IRAK4: variants seen among roughly 807,000 people sequenced by gnomAD.
IRAK4 encodes the protein interleukin-1 receptor-associated kinase 4.
Under a neutral mutation model 51.8 loss-of-function variants are expected in IRAK4, and 44 were observed. The ratio of observed to expected loss-of-function variants is 0.85; its 90% CI spans 0.67 to 1.09. The LOEUF (loss-of-function observed/expected upper bound fraction) is 1.09, where lower values mean the gene tolerates loss of function less well. Ranked by LOEUF, IRAK4 falls within the 50% of genes least tolerant of loss-of-function variation. The probability of loss-of-function intolerance (pLI) is 0.00; values close to 1 mark genes in which losing one functional copy is unlikely to be tolerated. For missense variants in IRAK4, 487 were observed against 538.0 expected (o/e 0.91, Z 0.94); for synonymous variants, 149 against 174.1 (o/e 0.86, Z 1.13).
At chr12:43,767,634 C>G (rs572923941) in intron 1 of IRAK4, among the ~76,000 whole-genome samples, 1 of 150,372 alleles carries the variant, frequency 6.7e-6, no homozygotes, top group Non-Finnish European at 1.5e-5. Flanking sequence ...CATTTCAGTA[C>G]GTTTTTTTTT....
At chr12:43,773,929 T>A in intron 5 of IRAK4, 36 bp from the exon 6 acceptor site, 1 of 1,342,648 alleles carries the variant, frequency 7.4e-7, no homozygotes, top group South Asian at 1.2e-5. Flanking sequence ...AACCTTAGAA[T>A]TGTGTAGTAT....
rs144296954 is a variant in IRAK4 at position 43,783,644 on chromosome 12, T to C, written c.1126-18T>C. On this transcript the variant is annotated intron_variant, in intron 9 of 11. Coordinates refer to ENST00000613694, the MANE Select transcript of IRAK4 (RefSeq NM_016123.4). Reference sequence around the variant, plus strand: ...CCTATCTTGTGTATTATATTAATGATTTTTTTTGTCTTCATAGGTTTTACT... The same window carrying C: ...CCTATCTTGTGTATTATATTAATGACTTTTTTTGTCTTCATAGGTTTTACT... 3.3e-6 allele frequency: 5 copies of C among 1,514,026 alleles called. No individual in the cohort carries two copies. Among genetic ancestry groups the C allele is most frequent in the Admixed American group, 3.4e-5 (2 of 58,840 alleles). 93.8% of individuals were successfully genotyped at this position (1,514,026 alleles called of 1,614,324 possible). A position where few individuals can be genotyped will look rare whatever the true frequency, so the allele number is the denominator to read the frequency against.
chr12:43,765,026 G>A (rs926566737), intron 1 of IRAK4, among the ~76,000 whole-genome samples: 3 of 152,142 alleles, frequency 2.0e-5, no homozygotes, highest in African/African-American at 7.2e-5. Flanking sequence ...TTGTGCTTTA[G>A]GATCATACTC....
In IRAK4 at chr12:43,789,268, C is replaced by T. The variant is rs1355745236; in HGVS notation, c.*2553C>T. 3.3e-5 allele frequency: 5 copies of T among 152,274 alleles called. No homozygotes were observed. In the East Asian group the frequency reaches 9.7e-4, roughly 29 times the overall value. The allele number at this position is 152,274 out of a possible 1,614,324, so 9.4% of individuals were successfully genotyped here. A position where few individuals can be genotyped will look rare whatever the true frequency, so the allele number is the denominator to read the frequency against. Reference sequence around the variant, plus strand: ...GAGCCACTGGTGATGAGTGAGTTCTCACTCAGTTCGTGTGAGATCTGGTGG... The same window carrying T: ...GAGCCACTGGTGATGAGTGAGTTCTTACTCAGTTCGTGTGAGATCTGGTGG... On this transcript the variant is annotated 3_prime_UTR_variant, in exon 12 of 12. Coordinates refer to ENST00000613694, the MANE Select transcript of IRAK4 (RefSeq NM_016123.4).
chr12:43,779,170 G>A (rs1941559259), intron 8 of IRAK4, among the ~76,000 whole-genome samples: 1 of 152,142 alleles, frequency 6.6e-6, no homozygotes, highest in Admixed American at 6.5e-5. Context: ...CAGCTGAGGA[G>A]GGAGGAGGCT....
intron 6 of IRAK4, among the ~76,000 whole-genome samples, chr12:43,777,333 G>A (rs1240685592): frequency 1.3e-5 from 2 of 152,132 alleles, no homozygotes; most frequent in African/African-American, 2.4e-5. Flanking sequence ...AGGCCGCAGT[G>A]AGCTATGATT....
In IRAK4 at chr12:43,789,345, G is replaced by T. The variant is rs1401284416; in HGVS notation, c.*2630G>T. 1 of 152,096 alleles carries T rather than the reference G, an allele frequency of 6.6e-6. No individual in the cohort carries two copies. The highest frequency in any genetic ancestry group is 2.4e-5 in the African/African-American group (1 of 41,402). 9.4% of individuals were successfully genotyped at this position (152,096 alleles called of 1,614,324 possible). On this transcript the variant is annotated 3_prime_UTR_variant, in exon 12 of 12. Transcript: ENST00000613694. Reference sequence around the variant, plus strand: ...CTTCCATTGTGATTGTAACCTTCCTGGGGCCTTCATCAAAGGCCAGGCAAA... The same window carrying T: ...CTTCCATTGTGATTGTAACCTTCCTTGGGCCTTCATCAAAGGCCAGGCAAA...
chr12:43,771,790 A>C (rs1322868789), intron 3 of IRAK4, among the ~76,000 whole-genome samples: 1 of 151,796 alleles, frequency 6.6e-6, no homozygotes, highest in Admixed American at 6.6e-5. Context: ...TTTTCCTTTG[A>C]TGCCTTTCAC....
At chr12:43,779,572 T>A (rs1941595749) in intron 8 of IRAK4, among the ~76,000 whole-genome samples, 1 of 152,122 alleles carries the variant, frequency 6.6e-6, no homozygotes, top group Non-Finnish European at 1.5e-5. Context: ...TTAGAAAGAT[T>A]AAAATGGCAA....
Position 43,782,352 on chromosome 12 carries a change from C to T in IRAK4, c.987C>T (p.Asp329=). The part of the protein sequence containing the change: ...LDEAFTAKIS[D]FGLARASEKF... ...AAGCTTTTACTGCTAAAATATCTGACTTTGGCCTTGCACGGGCTTCTGAGA... is the reference window on the plus strand; with the variant it reads ...AAGCTTTTACTGCTAAAATATCTGATTTTGGCCTTGCACGGGCTTCTGAGA... The change falls in exon 9 of 12, where the codon GAC becomes GAT. Residue 329 remains aspartate (D), a synonymous_variant. Coordinates refer to ENST00000613694, the MANE Select transcript of IRAK4 (RefSeq NM_016123.4). 1 of 1,613,654 alleles carries T rather than the reference C, an allele frequency of 6.2e-7. No individual in the cohort carries two copies. Among genetic ancestry groups the T allele is most frequent in the Non-Finnish European group, 8.5e-7 (1 of 1,179,658 alleles).
intron 1 of IRAK4, among the ~76,000 whole-genome samples, chr12:43,763,767 T>C (rs2137856981): frequency 6.6e-6 from 1 of 151,460 alleles, no homozygotes; most frequent in Admixed American, 6.6e-5. Flanking sequence ...ACCAGACTTC[T>C]TGGAAAATCT....
intron 2 of IRAK4, among the ~76,000 whole-genome samples, chr12:43,769,878 A>C (rs1940566481): frequency 6.6e-6 from 1 of 152,188 alleles, no homozygotes; most frequent in Non-Finnish European, 1.5e-5. Context: ...GAATTTAATC[A>C]TGAGAAAGTA....
rs114374857 is a variant in IRAK4 at position 43,778,429 on chromosome 12, A to G, written c.941+127A>G. The G allele has an allele frequency of 1.4e-4, 94 of 672,666 alleles. No individual in the cohort carries two copies. In the African/African-American group the frequency reaches 1.6e-3, roughly 12 times the overall value. The allele number at this position is 672,666 out of a possible 1,614,324, so 41.7% of individuals were successfully genotyped here. A position where few individuals can be genotyped will look rare whatever the true frequency, so the allele number is the denominator to read the frequency against. On this transcript the variant is annotated intron_variant, in intron 8 of 11. Transcript: ENST00000613694. ...GGACTTTTTTCCCATCACTCCATGA[A>G]AGCTCTTCTCAATAAGGACATCTAT...
At chr12:43,761,095 A>G (rs902827023) in intron 1 of IRAK4, 2 of 152,224 alleles carry the variant, frequency 1.3e-5, no homozygotes, top group African/African-American at 2.4e-5. Flanking sequence ...ACACCAGCAC[A>G]TATCCCAGTT....
intron 2 of IRAK4, among the ~76,000 whole-genome samples, chr12:43,769,429 G>C (rs939391127): frequency 2.6e-5 from 4 of 152,140 alleles, no homozygotes; most frequent in African/African-American, 9.7e-5. Context: ...GGAGACCGAG[G>C]TGGGCAGATT....
At position 43,768,146 on chromosome 12, in the gene IRAK4, G is replaced by T. The variant is rs370524518; in HGVS notation, c.35G>T (p.Arg12Leu). The stretch of plus-strand genomic sequence containing the variant: ...CCCATAACACCATCAACATATGTGC[G>T]CTGCCTCAATGTTGGACTAATTAGG... Reference protein sequence around the residue: ...NKPITPSTYVRCLNVGLIRKL... With the variant: ...NKPITPSTYVLCLNVGLIRKL... Residue 12 changes from arginine (R) to leucine (L), a missense_variant, in exon 2 of 12, where the codon CGC (arginine) becomes CTC (leucine). By Grantham distance (102) the Arg-to-Leu change is moderately radical. Transcript: ENST00000613694. The T allele has an allele frequency of 1.2e-6, 2 of 1,613,468 alleles. No individual in the cohort carries two copies. The highest frequency in any genetic ancestry group is 1.7e-6 in the Non-Finnish European group (2 of 1,179,564).
chr12:43,785,130 C>T (rs1300042089), intron 10 of IRAK4, among the ~76,000 whole-genome samples: 2 of 152,098 alleles, frequency 1.3e-5, no homozygotes, highest in Admixed American at 1.3e-4. Flanking sequence ...GGATGTAGGG[C>T]TTACCTCCAG....
At position 43,772,218 on chromosome 12, in the gene IRAK4, G is replaced by A. The variant is rs62642475; in HGVS notation, c.346G>A (p.Glu116Lys). The A allele has an allele frequency of 6.3e-5, 101 of 1,613,536 alleles. 3 individuals are homozygous for A. The highest frequency in any genetic ancestry group is 7.6e-6 in the Non-Finnish European group (9 of 1,179,852). ...AACTGCTAATACACTACCTTCTAAAGAAGCTATAACAGTTCAGCAAAAACA... is the reference window on the plus strand; with the variant it reads ...AACTGCTAATACACTACCTTCTAAAAAAGCTATAACAGTTCAGCAAAAACA... ...PKTANTLPSK[E>K]AITVQQKQMP... is the part of the protein sequence containing the mutation. Residue 116 changes from glutamate (E) to lysine (K), a missense_variant, in exon 4 of 12, where the codon GAA becomes AAA. Coordinates refer to ENST00000613694, the MANE Select transcript of IRAK4 (RefSeq NM_016123.4).
At position 43,783,851 on chromosome 12, in the gene IRAK4, C is replaced by T. The variant is rs4251531; in HGVS notation, c.1188+127C>T. ...AATCTTTCCATTGGCTATTACACGA[C>T]AGCATATGGAAAAAGCATTAAATAT... On this transcript the variant is annotated intron_variant, in intron 10 of 11. Coordinates refer to ENST00000613694, the MANE Select transcript of IRAK4 (RefSeq NM_016123.4). 2.5e-3 allele frequency: 1,742 copies of T among 686,646 alleles called. 20 individuals are homozygous for T. In the African/African-American group the frequency reaches 0.027, roughly 11 times the overall value. The allele number at this position is 686,646 out of a possible 1,614,324, so 42.5% of individuals were successfully genotyped here.
Sources: allele counts gnomAD v4.1 joint callset (sites outside exome capture counted in the v4.1 genomes callset), GRCh38; gene constraint gnomAD v4.1.1; transcripts MANE v1.5; gene names NCBI Gene and HGNC (gene_info 2026-07-23, HGNC 2026-07-21).